The following ROR1 variants were observed in gnomAD, a reference collection of about 807,000 sequenced individuals.
ROR1 encodes the protein ROR family WNT receptor 1, also known as inactive tyrosine-protein kinase transmembrane receptor ROR1.
A neutral mutation model predicts 78.8 loss-of-function variants in ROR1; 19 were observed. The observed-to-expected ratio is 0.24, with a 90% CI of 0.17 to 0.35. The LOEUF is 0.35. Among genes scored for constraint, ROR1 ranks in the 10% least tolerant of loss-of-function variants. The pLI is 1.00. For missense variants in ROR1, 917 were observed against 1,177.8 expected (o/e 0.78, Z 3.24); for synonymous variants, 386 against 433.6 (o/e 0.89, Z 1.36).
In ROR1 at chr1:64,149,052, G is replaced by T. The variant is rs970050549; in HGVS notation, c.1174+6402G>T. ...GAATCACATTAAGTATTGTCATATA[G>T]TTCCCAGTTTTATGTCTGCTCTTAT... On this transcript the variant is annotated intron_variant, in intron 7 of 8. Transcript: ENST00000371079. Among the ~76,000 whole-genome samples the T allele has an allele frequency of 3.9e-5, 6 of 152,138 alleles. No homozygotes were observed. In the South Asian group the frequency reaches 1.2e-3, roughly 31 times the overall value.
intron 1 of ROR1, among the ~76,000 whole-genome samples, chr1:63,784,619 A>G (rs1644672525): frequency 2.0e-5 from 3 of 152,218 alleles, no homozygotes; most frequent in Admixed American, 2.0e-4. Flanking sequence ...GGAGCCAGGA[A>G]GAGAAGGACT....
At chr1:63,931,231 G>C (rs575287751) in intron 1 of ROR1, among the ~76,000 whole-genome samples, 2 of 152,166 alleles carry the variant, frequency 1.3e-5, no homozygotes, top group African/African-American at 2.4e-5. Flanking sequence ...GCAGTGAGCC[G>C]AGATGGCGCT....
At chr1:64,027,695 C>A (rs1366766481) in intron 2 of ROR1, among the ~76,000 whole-genome samples, 1 of 143,930 alleles carries the variant, frequency 6.9e-6, no homozygotes, top group African/African-American at 2.5e-5. Context: ...CGTTCTTTTT[C>A]TTTTTTTTTT....
chr1:63,872,056 T>C (rs1645254893), intron 1 of ROR1, among the ~76,000 whole-genome samples: 2 of 152,200 alleles, frequency 1.3e-5, no homozygotes, highest in African/African-American at 4.8e-5. Flanking sequence ...TTGCAAAATA[T>C]TCTATTAAAT....
At chr1:63,856,734 A>T (rs2100338701) in intron 1 of ROR1, among the ~76,000 whole-genome samples, 1 of 152,258 alleles carries the variant, frequency 6.6e-6, no homozygotes, top group East Asian at 1.9e-4. Context: ...ACTGCCCTTT[A>T]CTGACTGTTA....
intron 8 of ROR1, among the ~76,000 whole-genome samples, chr1:64,164,401 C>T (rs1650029476): frequency 1.3e-5 from 2 of 152,178 alleles, no homozygotes; most frequent in Non-Finnish European, 2.9e-5. Context: ...AATCTTGGCT[C>T]TGCTGTCAAC....
At chr1:64,117,734 A>C (rs1377445532) in intron 4 of ROR1, among the ~76,000 whole-genome samples, 1 of 152,196 alleles carries the variant, frequency 6.6e-6, no homozygotes, top group Non-Finnish European at 1.5e-5. Context: ...ACATCACCCT[A>C]TCAGGCTGAC....
At chr1:63,940,062 G>A (rs567085512) in intron 1 of ROR1, among the ~76,000 whole-genome samples, 3 of 152,276 alleles carry the variant, frequency 2.0e-5, no homozygotes, top group Admixed American at 6.5e-5. Context: ...CATCTTTTAG[G>A]AAGAGTTGGA....
chr1:63,875,385 C>T (rs2100365287), intron 1 of ROR1, among the ~76,000 whole-genome samples: 1 of 152,268 alleles, frequency 6.6e-6, no homozygotes, highest in South Asian at 2.1e-4. Flanking sequence ...ATGTTTAAAT[C>T]TTAGCTCTGC....
At chr1:64,021,506 A>T (rs958375792) in intron 2 of ROR1, among the ~76,000 whole-genome samples, 4 of 152,224 alleles carry the variant, frequency 2.6e-5, no homozygotes, top group Non-Finnish European at 5.9e-5. Context: ...CCTGAGCACC[A>T]TTTAATGTGC....
At chr1:63,816,567 G>A (rs1644893291) in intron 1 of ROR1, among the ~76,000 whole-genome samples, 2 of 152,088 alleles carry the variant, frequency 1.3e-5, no homozygotes, top group South Asian at 2.1e-4. Context: ...TCCCAGTCTC[G>A]GGTGTGTCTT....
intron 1 of ROR1, among the ~76,000 whole-genome samples, chr1:63,997,716 C>T (rs1646348972): frequency 6.6e-6 from 1 of 151,982 alleles, no homozygotes; most frequent in Non-Finnish European, 1.5e-5. Flanking sequence ...AGTTTAGAGA[C>T]AGGGGTCGAA....
chr1:63,890,642 G>A (rs986335223), intron 1 of ROR1, among the ~76,000 whole-genome samples: 8 of 151,934 alleles, frequency 5.3e-5, no homozygotes, highest in African/African-American at 9.7e-5. Context: ...AAGGATGAGG[G>A]GGAGTTTGCT....
chr1:63,823,866 G>T (rs1245930814), intron 1 of ROR1, among the ~76,000 whole-genome samples: 1 of 151,720 alleles, frequency 6.6e-6, no homozygotes, highest in Non-Finnish European at 1.5e-5. Flanking sequence ...TCCTGTCTCA[G>T]CCTCTCTAGT....
At chr1:63,807,167 C>T (rs1644834921) in intron 1 of ROR1, among the ~76,000 whole-genome samples, 1 of 152,188 alleles carries the variant, frequency 6.6e-6, no homozygotes, top group African/African-American at 2.4e-5. Flanking sequence ...CTGAGACTCT[C>T]CATGGCAACC....
At chr1:63,929,523 C>A (rs1049086582) in intron 1 of ROR1, among the ~76,000 whole-genome samples, 1 of 152,104 alleles carries the variant, frequency 6.6e-6, no homozygotes, top group Non-Finnish European at 1.5e-5. Flanking sequence ...AGATTAGGAG[C>A]CCCTTGAGGG....
At chr1:63,815,404 G>A (rs1447051014) in intron 1 of ROR1, among the ~76,000 whole-genome samples, 2 of 148,046 alleles carry the variant, frequency 1.4e-5, no homozygotes, top group African/African-American at 5.0e-5. Context: ...CTATAATTTT[G>A]TATTAAGGAA....
chr1:63,988,154 G>A (rs1389330399), intron 1 of ROR1, among the ~76,000 whole-genome samples: 1 of 152,132 alleles, frequency 6.6e-6, no homozygotes, highest in Admixed American at 6.6e-5. Context: ...TTCTGGAAAT[G>A]TGCTTTACAA....
chr1:63,810,878 T>C (rs919059127), intron 1 of ROR1, among the ~76,000 whole-genome samples: 4 of 152,190 alleles, frequency 2.6e-5, no homozygotes, highest in Non-Finnish European at 5.9e-5. Context: ...AAATAACTTC[T>C]CTGTAGGAAA....
Sources: gnomAD v4.1 joint callset for allele counts (sites outside exome capture counted in the v4.1 genomes callset) on GRCh38, gnomAD v4.1.1 for gene constraint, MANE v1.5 for transcripts, NCBI Gene and HGNC (gene_info 2026-07-23, HGNC 2026-07-21) for gene names.